Variants in SCN3A observed in about 807,000 individuals in gnomAD.
SCN3A encodes the protein sodium channel protein type 3 subunit alpha.
Under a neutral mutation model 187.6 loss-of-function variants are expected in SCN3A, and 60 were observed. That is an observed-to-expected ratio of 0.32 (90% CI 0.26 to 0.40). The LOEUF is 0.40. Among genes scored for constraint, SCN3A ranks in the 10% least tolerant of loss-of-function variants. SCN3A has a pLI of 1.00. For synonymous variants in SCN3A, 788 were observed against 829.2 expected (o/e 0.95, Z 0.85); for missense variants, 1,601 against 2,428.2 (o/e 0.66, Z 7.16).
At chr2:165,109,560 C>A (rs769041815) in intron 21 of SCN3A, among the ~76,000 whole-genome samples, 3 of 152,108 alleles carry the variant, frequency 2.0e-5, no homozygotes, top group Non-Finnish European at 4.4e-5. Context: ...TTTGTTGAAT[C>A]CTCTCTTTTC....
chr2:165,147,956 T>G (rs544620519), intron 11 of SCN3A, among the ~76,000 whole-genome samples: 1 of 152,310 alleles, frequency 6.6e-6, no homozygotes, highest in South Asian at 2.1e-4. Context: ...TATTTGTAAA[T>G]GTAACCACAG....
At chr2:165,170,684 A>G in intron 3 of SCN3A, 136 bp from the exon 4 acceptor site, 2 of 628,730 alleles carry the variant, frequency 3.2e-6, no homozygotes, top group East Asian at 2.8e-5. Context: ...ATATATCATA[A>G]CTACAAACAT....
intron 15 of SCN3A, among the ~76,000 whole-genome samples, chr2:165,135,597 C>G (rs1233681798): frequency 6.6e-6 from 1 of 152,046 alleles, no homozygotes; most frequent in Non-Finnish European, 1.5e-5. Context: ...GAAATTCTTT[C>G]TTTCTCTCTC....
Position 165,090,719 on chromosome 2 carries a change from T to C in SCN3A, c.5434A>G (p.Lys1812Glu). 1 of 1,614,096 alleles carries C rather than the reference T, an allele frequency of 6.2e-7. No individual in the cohort carries two copies. Among genetic ancestry groups the C allele is most frequent in the Non-Finnish European group, 8.5e-7 (1 of 1,180,004 alleles). The stretch of plus-strand genomic sequence containing the variant: ...AGGGCAGCTGCAAAATCAGAGAGTT[T>C]AGAGAACTCTATAAACTGGGTCGCA... Reference protein sequence around the residue: ...PDATQFIEFSKLSDFAAALDP... With the variant: ...PDATQFIEFSELSDFAAALDP... The change falls in exon 28 of 28, where the codon AAA becomes GAA. Residue 1812 changes from lysine to glutamate, a missense_variant. Coordinates refer to ENST00000283254, the MANE Select transcript of SCN3A (RefSeq NM_006922.4). This position sits in a 1 kb window ranked among gnomAD's most constrained non-coding sequence, Gnocchi z 4.0.
chr2:165,176,299 C>G lies in SCN3A; in HGVS notation c.96G>C (p.Glu32Asp). 1 of 1,614,070 alleles carries G rather than the reference C, an allele frequency of 6.2e-7. No individual in the cohort carries two copies. The highest frequency in any genetic ancestry group is 1.7e-5 in the Admixed American group (1 of 59,998). ...GTTCCTTTTTGGGCTTCTTGGCTTT[C>G]TCTTCTGCAGCACGTTTTTCGATAG... is the stretch of plus-strand genomic sequence containing the variant. ...LAAIEKRAAE[E>D]KAKKPKKEQD... The change falls in exon 3 of 28, where the codon GAG becomes GAC. Residue 32 changes from glutamate to aspartate, a missense_variant. Physicochemically the swap from Glu to Asp is conservative, Grantham distance 45. Transcript: ENST00000283254.
intron 12 of SCN3A, among the ~76,000 whole-genome samples, chr2:165,141,670 C>G: frequency 6.6e-6 from 1 of 152,094 alleles, no homozygotes; most frequent in East Asian, 1.9e-4. Context: ...AAATGGCAAC[C>G]AATGATTCAC....
intron 22 of SCN3A, chr2:165,097,739 T>A (rs1685425263): frequency 3.3e-6 from 2 of 605,440 alleles, no homozygotes; most frequent in Non-Finnish European, 5.8e-6. Flanking sequence ...CAAAATATGC[T>A]ACAGTATGAA....
At chr2:165,137,824 G>T in intron 15 of SCN3A, 55 bp downstream of exon 15, 1 of 1,314,816 alleles carries the variant, frequency 7.6e-7, no homozygotes, top group Non-Finnish European at 1.1e-6. Flanking sequence ...CTTTCCCTTT[G>T]GTCTATCTCT....
At chr2:165,098,872 C>G (rs573334932) in intron 22 of SCN3A, among the ~76,000 whole-genome samples, 2 of 152,052 alleles carry the variant, frequency 1.3e-5, no homozygotes. Flanking sequence ...TGCTATCTCC[C>G]CTCATAAATG....
chr2:165,155,659 A>C, intron 10 of SCN3A, 103 bp downstream of exon 10: 2 of 1,354,806 alleles, frequency 1.5e-6, no homozygotes, highest in Non-Finnish European at 2.1e-6. Flanking sequence ...TCTGCCTCCC[A>C]AAGTGCTAGG....
At chr2:165,166,866 G>T (rs1033359432) in intron 5 of SCN3A, among the ~76,000 whole-genome samples, 33 of 151,760 alleles carry the variant, frequency 2.2e-4, no homozygotes, top group African/African-American at 8.0e-4. Flanking sequence ...AGTTATTACT[G>T]CTTCTTTAGA....
chr2:165,146,791 G>A lies in SCN3A; in HGVS notation c.1619C>T (p.Ser540Phe), dbSNP rs147678484. The change falls in exon 12 of 28, where the codon TCC becomes TTC. Residue 540 changes from serine to phenylalanine, a missense_variant. Physicochemically the swap from Ser to Phe is radical, Grantham distance 155 (BLOSUM62 -2). Coordinates refer to ENST00000283254, the MANE Select transcript of SCN3A (RefSeq NM_006922.4). ...ACTGGTCAGTCTGTTTCCATCCATG[G>A]AGAAAAGGAAGCTGCTTCTTTTGAC... is the stretch of plus-strand genomic sequence containing the variant. ...DSVKRSSFLF[S>F]MDGNRLTSDK... 2,094 of 1,614,002 alleles carry A rather than the reference G, an allele frequency of 1.3e-3. 7 individuals are homozygous for A. The highest frequency in any genetic ancestry group is 4.5e-3 in the Middle Eastern group (27 of 6,062).
At chr2:165,106,762 G>C (rs10930148) in intron 21 of SCN3A, among the ~76,000 whole-genome samples, 34,653 of 152,078 alleles carry the variant, frequency 0.23, 3,853 homozygotes, top group South Asian at 0.27. Flanking sequence ...CATTTAGAAT[G>C]CTGGCTGATG....
chr2:165,140,842 A>T lies in SCN3A; in HGVS notation c.1828T>A (p.Ser610Thr). 6.2e-7 allele frequency: 1 copy of T among 1,614,176 alleles called. No homozygotes were observed. Among genetic ancestry groups the T allele is most frequent in the Non-Finnish European group, 8.5e-7 (1 of 1,180,024 alleles). ...CCATGTCTGTGCGGCACAAACAGTG[A>T]GTCTCTCCTGCTTTCGCTGTCTTCA... ...TFEDSESRRD[S>T]LFVPHRHGER... The change falls in exon 13 of 28, where the codon TCA (serine) becomes ACA (threonine). Residue 610 changes from serine (S) to threonine (T), a missense_variant. Coordinates refer to ENST00000283254, the MANE Select transcript of SCN3A (RefSeq NM_006922.4). The surrounding 1 kb of genome is among the most constrained non-coding windows in gnomAD (Gnocchi z 4.2).
At chr2:165,168,101 T>C (rs1689885844) in intron 5 of SCN3A, among the ~76,000 whole-genome samples, 2 of 152,104 alleles carry the variant, frequency 1.3e-5, no homozygotes, top group Admixed American at 1.3e-4. Flanking sequence ...TTGGGATTAT[T>C]ATGGTTTCTA....
intron 1 of SCN3A, among the ~76,000 whole-genome samples, chr2:165,191,339 G>A (rs1044562059): frequency 6.6e-6 from 1 of 151,830 alleles, no homozygotes; most frequent in Admixed American, 6.6e-5. Context: ...CATAGAAATC[G>A]AATCATATCA....
intron 24 of SCN3A, 22 bp from the exon 25 acceptor site, chr2:165,095,670 AAAT>A (rs1685330731): frequency 5.0e-6 from 6 of 1,211,276 alleles, no homozygotes; most frequent in Non-Finnish European, 7.3e-6. Flanking sequence ...TGAAAATATT[AAAT>A]AATATGAAAA....
At chr2:165,126,175 C>G (rs1243069306) in intron 18 of SCN3A, among the ~76,000 whole-genome samples, 1 of 152,170 alleles carries the variant, frequency 6.6e-6, no homozygotes, top group East Asian at 1.9e-4. Context: ...CAACATTATA[C>G]CCTCAAGCCA....
intron 23 of SCN3A, among the ~76,000 whole-genome samples, chr2:165,096,798 T>C (rs1685382836): frequency 6.6e-6 from 1 of 152,186 alleles, no homozygotes; most frequent in South Asian, 2.1e-4. Context: ...CCAATTCCCT[T>C]ATATGTTAAA....
Sources: gnomAD v4.1 joint callset for allele counts (sites outside exome capture counted in the v4.1 genomes callset) on GRCh38, gnomAD v4.1.1 for gene constraint, Gnocchi (gnomAD v3.1) non-coding constraint, MANE v1.5 for transcripts, NCBI Gene and HGNC (gene_info 2026-07-23, HGNC 2026-07-21) for gene names.